The following JAZF1 variants were observed in gnomAD, a reference collection of about 807,000 sequenced individuals.
The protein encoded by JAZF1 is juxtaposed with another zinc finger protein 1.
A neutral mutation model predicts 26.4 loss-of-function variants in JAZF1; 8 were observed. The observed-to-expected ratio is 0.30, with a 90% confidence interval of 0.18 to 0.55. The LOEUF (loss-of-function observed/expected upper bound fraction) is 0.55. Ranked by LOEUF, JAZF1 falls within the 20% of genes least tolerant of loss-of-function variation. The probability of loss-of-function intolerance (pLI) is 0.94; values close to 1 mark genes in which losing one functional copy is unlikely to be tolerated. For synonymous variants in JAZF1, 126 were observed against 122.3 expected (o/e 1.03, Z -0.20); for missense variants, 199 against 322.0 (o/e 0.62, Z 2.92).
intron 3 of JAZF1, among the ~76,000 whole-genome samples, chr7:27,883,407 G>A (rs1783804616): frequency 6.6e-6 from 1 of 152,192 alleles, no homozygotes; most frequent in Admixed American, 6.5e-5. Context: ...AAACAACACA[G>A]TTAATAGTAG....
chr7:27,898,325 T>C (rs1583453612), intron 2 of JAZF1, among the ~76,000 whole-genome samples: 1 of 104,506 alleles, frequency 9.6e-6, no homozygotes. Flanking sequence ...TTTTTTTTTT[T>C]TTTTTGAGAT....
intron 2 of JAZF1, among the ~76,000 whole-genome samples, chr7:27,989,229 T>C (rs929476689): frequency 1.3e-5 from 2 of 152,224 alleles, no homozygotes; most frequent in Non-Finnish European, 2.9e-5. Flanking sequence ...GAAAACTGGC[T>C]AGCCATATGT....
intron 1 of JAZF1, among the ~76,000 whole-genome samples, chr7:28,039,495 A>G (rs1195021805): frequency 2.6e-5 from 4 of 152,202 alleles, no homozygotes; most frequent in Admixed American, 1.3e-4. Context: ...CCCCTGCCCC[A>G]TGCAAATACC....
At chr7:28,013,461 G>C (rs746802409) in intron 1 of JAZF1, among the ~76,000 whole-genome samples, 1 of 152,160 alleles carries the variant, frequency 6.6e-6, no homozygotes, top group Non-Finnish European at 1.5e-5. Flanking sequence ...TCAGGATAGC[G>C]GGGGTTGGGG....
intron 2 of JAZF1, among the ~76,000 whole-genome samples, chr7:27,980,801 T>C (rs1383429008): frequency 6.7e-6 from 1 of 150,214 alleles, no homozygotes; most frequent in Non-Finnish European, 1.5e-5. Context: ...TTCTTTCACA[T>C]GACTTAACCC....
chr7:27,915,441 T>C (rs1474884152), intron 2 of JAZF1, among the ~76,000 whole-genome samples: 1 of 152,230 alleles, frequency 6.6e-6, no homozygotes, highest in Non-Finnish European at 1.5e-5. Context: ...TCATGGGTTA[T>C]TGCCTAATTA....
intron 3 of JAZF1, among the ~76,000 whole-genome samples, chr7:27,849,873 CA>C (rs1207936605): frequency 1.3e-5 from 2 of 151,952 alleles, no homozygotes; most frequent in African/African-American, 2.4e-5. Context: ...TCACTGGCCA[CA>C]AGAAGATTTC....
intron 1 of JAZF1, among the ~76,000 whole-genome samples, chr7:28,101,316 C>T (rs1038874940): frequency 6.6e-6 from 1 of 152,114 alleles, no homozygotes; most frequent in East Asian, 1.9e-4. Context: ...CCATCACAGA[C>T]ACACAGTTAT....
chr7:27,895,324 C>G lies in JAZF1; in HGVS notation c.281G>C (p.Arg94Pro). Residue 94 changes from arginine (R) to proline (P), a missense_variant, in exon 3 of 5, where the codon CGA (arginine) becomes CCA (proline). Around this residue, in one of 2 missense-constraint regions of JAZF1, gnomAD observed 137 missense variants for 184.8 expected, o/e 0.74. Transcript: ENST00000283928. ...GCGTGGGGGAGTGGACACATTCCCT[C>G]GAGACACTGAGCTGGACAGAGTCAG... The part of the protein sequence containing the change: ...LSLTLSSSVS[R>P]GNVSTPPRHS... 3 of 1,611,262 alleles carry G rather than the reference C, an allele frequency of 1.9e-6. No homozygotes were observed. Among genetic ancestry groups the G allele is most frequent in the Non-Finnish European group, 2.5e-6 (3 of 1,178,936 alleles).
chr7:27,926,600 T>G (rs1052222462), intron 2 of JAZF1, among the ~76,000 whole-genome samples: 3 of 152,374 alleles, frequency 2.0e-5, no homozygotes, highest in Non-Finnish European at 2.9e-5. Flanking sequence ...CTTCAACGTA[T>G]GAACACACTC....
chr7:27,926,081 AAGAC>A (rs1347268060), intron 2 of JAZF1, among the ~76,000 whole-genome samples: 6 of 152,210 alleles, frequency 3.9e-5, no homozygotes, highest in Non-Finnish European at 7.3e-5. Flanking sequence ...GGACAGGCTC[AAGAC>A]AGACAGGACA....
intron 2 of JAZF1, among the ~76,000 whole-genome samples, chr7:27,991,337 G>T (rs905613639): frequency 1.3e-5 from 2 of 152,074 alleles, no homozygotes; most frequent in African/African-American, 4.8e-5. Flanking sequence ...ATTTGAGTTG[G>T]CTGAAACACT....
At chr7:28,011,187 GA>G (rs1385669520) in intron 1 of JAZF1, among the ~76,000 whole-genome samples, 1 of 152,156 alleles carries the variant, frequency 6.6e-6, no homozygotes, top group Non-Finnish European at 1.5e-5. Flanking sequence ...CAGCGTTTAG[GA>G]AAAAGGTCCT....
At chr7:28,022,225 T>C (rs1020832815) in intron 1 of JAZF1, among the ~76,000 whole-genome samples, 2 of 152,122 alleles carry the variant, frequency 1.3e-5, no homozygotes, top group African/African-American at 4.8e-5. Flanking sequence ...GAAAATTGGG[T>C]TTTCATCTGA....
intron 1 of JAZF1, among the ~76,000 whole-genome samples, chr7:28,067,363 T>C (rs575672933): frequency 6.6e-6 from 1 of 152,324 alleles, no homozygotes; most frequent in African/African-American, 2.4e-5. Context: ...TATCTCTCCA[T>C]TGACAAATGC....
intron 1 of JAZF1, among the ~76,000 whole-genome samples, chr7:28,050,449 T>C (rs1783593314): frequency 6.6e-6 from 1 of 152,194 alleles, no homozygotes; most frequent in Non-Finnish European, 1.5e-5. Flanking sequence ...AGAAAACCCC[T>C]GAATTGTACA....
At chr7:27,911,208 T>A (rs781026493) in intron 2 of JAZF1, among the ~76,000 whole-genome samples, 2 of 152,212 alleles carry the variant, frequency 1.3e-5, no homozygotes, top group Non-Finnish European at 2.9e-5. Context: ...AGCATTCACA[T>A]TATCCAAGCT....
At position 27,912,036 on chromosome 7, in the gene JAZF1, T is replaced by A. The variant is rs142531409; in HGVS notation, c.189-16620A>T. On this transcript the variant is annotated intron_variant, in intron 2 of 4. Coordinates refer to ENST00000283928, the MANE Select transcript of JAZF1 (RefSeq NM_175061.4). ...TCCTCTCAAAGGCATAGCATTTATA[T>A]CTTCCAGCTCAGAATGGGGGTGTAC... 5.0e-4 allele frequency among the ~76,000 whole-genome samples: 76 copies of A among 152,360 alleles called. 2 individuals carry two copies. The East Asian group carries it at 0.013, about 27-fold the overall frequency.
chr7:28,066,239 G>T (rs1299812270), intron 1 of JAZF1, among the ~76,000 whole-genome samples: 1 of 152,098 alleles, frequency 6.6e-6, no homozygotes, highest in Admixed American at 6.6e-5. Context: ...AGAACTGCTG[G>T]ATGCTTTGTT....
Sources: gnomAD v4.1 joint callset for allele counts (sites outside exome capture counted in the v4.1 genomes callset) on GRCh38, gnomAD v4.1.1 for gene constraint, gnomAD v4.1.1 regional missense constraint, MANE v1.5 for transcripts, NCBI Gene and HGNC (gene_info 2026-07-23, HGNC 2026-07-21) for gene names.